The following ZMAT4 variants were observed in gnomAD, a reference collection of about 807,000 sequenced individuals.
The protein encoded by ZMAT4 is zinc finger matrin-type protein 4.
A neutral mutation model predicts 28.7 loss-of-function variants in ZMAT4; 17 were observed. That is an observed-to-expected ratio of 0.59 (90% CI 0.41 to 0.89). The LOEUF is 0.89. Among genes scored for constraint, ZMAT4 ranks in the 40% least tolerant of loss-of-function variants. ZMAT4 has a pLI of 0.00. For synonymous variants in ZMAT4, 117 were observed against 109.2 expected (o/e 1.07, Z -0.44); for missense variants, 240 against 283.8 (o/e 0.85, Z 1.11).
In ZMAT4 at chr8:40,773,501, G is replaced by A. The variant is rs534757223; in HGVS notation, c.103-5771C>T. Reference sequence around the variant, plus strand: ...ACCTTCTGCTCTGCCAAAGATTGGTGGCATCTATAAAAAAAAAACTGTGAA... The same window carrying A: ...ACCTTCTGCTCTGCCAAAGATTGGTAGCATCTATAAAAAAAAAACTGTGAA... On this transcript the variant is annotated intron_variant, in intron 2 of 6. Coordinates refer to ENST00000297737, the MANE Select transcript of ZMAT4 (RefSeq NM_024645.3). 5.4e-3 allele frequency among the ~76,000 whole-genome samples: 517 copies of A among 96,110 alleles called. 5 individuals carry two copies. The highest frequency in any genetic ancestry group is 8.9e-3 in the East Asian group (42 of 4,704). 63.1% of individuals were successfully genotyped at this position (96,110 alleles called of 152,430 possible). A position where few individuals can be genotyped will look rare whatever the true frequency, so the allele number is the denominator to read the frequency against.
intron 2 of ZMAT4, among the ~76,000 whole-genome samples, chr8:40,813,621 G>T (rs976926262): frequency 6.6e-6 from 1 of 152,224 alleles, no homozygotes; most frequent in African/African-American, 2.4e-5. Context: ...TCGCCATAAG[G>T]TTATACACGG....
intron 2 of ZMAT4, among the ~76,000 whole-genome samples, chr8:40,778,568 A>T (rs1008452514): frequency 6.6e-6 from 1 of 151,960 alleles, no homozygotes; most frequent in African/African-American, 2.4e-5. Context: ...GAAAACAGAA[A>T]TTTTTTCTTT....
intron 1 of ZMAT4, among the ~76,000 whole-genome samples, chr8:40,870,391 A>T (rs1351641538): frequency 6.6e-6 from 1 of 152,140 alleles, no homozygotes; most frequent in African/African-American, 2.4e-5. Context: ...TGTAATTAAA[A>T]TGTTTTTTCT....
At chr8:40,772,388 T>C (rs1352044674) in intron 2 of ZMAT4, among the ~76,000 whole-genome samples, 1 of 152,212 alleles carries the variant, frequency 6.6e-6, no homozygotes, top group Non-Finnish European at 1.5e-5. Context: ...CTATTTCAGA[T>C]GTATTGCTGT....
At chr8:40,852,039 G>T (rs1351270755) in intron 1 of ZMAT4, among the ~76,000 whole-genome samples, 1 of 152,088 alleles carries the variant, frequency 6.6e-6, no homozygotes, top group Non-Finnish European at 1.5e-5. Context: ...TGGGACTACA[G>T]GCGCCTGACT....
Position 40,735,126 on chromosome 8 carries a change from C to T in ZMAT4, c.192+32515G>A, listed in dbSNP as rs189142057. On this transcript the variant is annotated intron_variant, in intron 3 of 6. Coordinates refer to ENST00000297737, the MANE Select transcript of ZMAT4 (RefSeq NM_024645.3). Reference sequence around the variant, plus strand: ...AGGCAGAAACTCTGCCTTATCATTGCTCAGAACTCCAAATTTAATATATAA... The same window carrying T: ...AGGCAGAAACTCTGCCTTATCATTGTTCAGAACTCCAAATTTAATATATAA... Among the ~76,000 whole-genome samples, 145 of 152,306 alleles carry T rather than the reference C, an allele frequency of 9.5e-4. 1 individual carries two copies. The highest frequency in any genetic ancestry group is 2.0e-3 in the Admixed American group (31 of 15,308).
At chr8:40,742,088 AAAAAAC>A (rs1158778268) in intron 3 of ZMAT4, among the ~76,000 whole-genome samples, 10 of 670 alleles carry the variant, frequency 0.015, no homozygotes, top group Admixed American at 0.17. Flanking sequence ...AAAATACAAA[AAAAAAC>A]AAAAAACAAA....
chr8:40,802,033 C>A (rs1041150043), intron 2 of ZMAT4, among the ~76,000 whole-genome samples: 2 of 152,156 alleles, frequency 1.3e-5, no homozygotes, highest in Non-Finnish European at 2.9e-5. Context: ...AACACCCATT[C>A]ATGTTATGAA....
At chr8:40,699,028 A>G (rs540921520) in intron 3 of ZMAT4, among the ~76,000 whole-genome samples, 1 of 152,258 alleles carries the variant, frequency 6.6e-6, no homozygotes, top group East Asian at 1.9e-4. Context: ...AATAGTACGA[A>G]TACTTTTAGT....
intron 1 of ZMAT4, among the ~76,000 whole-genome samples, chr8:40,843,536 G>A (rs1299271310): frequency 6.6e-6 from 1 of 152,134 alleles, no homozygotes; most frequent in African/African-American, 2.4e-5. Flanking sequence ...CTTCCCACTG[G>A]ACTAAAATCT....
intron 3 of ZMAT4, among the ~76,000 whole-genome samples, chr8:40,717,296 A>G (rs975414055): frequency 1.3e-5 from 2 of 152,218 alleles, no homozygotes; most frequent in Admixed American, 6.5e-5. Flanking sequence ...AAAACAAATC[A>G]CATATTTATT....
intron 3 of ZMAT4, among the ~76,000 whole-genome samples, chr8:40,729,601 T>TTTTTC (rs1811449479): frequency 1.8e-4 from 12 of 68,342 alleles, no homozygotes; most frequent in African/African-American, 4.2e-4. Context: ...TTCTTTCTTT[T>TTTTTC]TTTTTTTTTT....
chr8:40,570,985 G>A (rs1373111248), intron 6 of ZMAT4, among the ~76,000 whole-genome samples: 10 of 152,150 alleles, frequency 6.6e-5, no homozygotes, highest in Admixed American at 6.6e-4. Flanking sequence ...GTAAGAACAT[G>A]AGAGGTATTC....
chr8:40,885,433 C>T (rs539892621), intron 1 of ZMAT4, among the ~76,000 whole-genome samples: 6 of 152,324 alleles, frequency 3.9e-5, no homozygotes, highest in African/African-American at 2.4e-5. Flanking sequence ...CCAGTGCCTC[C>T]GAGGGCGCCT....
chr8:40,548,394 C>T (rs1485604575), intron 6 of ZMAT4, among the ~76,000 whole-genome samples: 1 of 152,186 alleles, frequency 6.6e-6, no homozygotes, highest in East Asian at 1.9e-4. Flanking sequence ...TTGAAAGCTT[C>T]TTCACATTCC....
intron 5 of ZMAT4, among the ~76,000 whole-genome samples, chr8:40,618,474 C>T (rs980847715): frequency 2.0e-5 from 3 of 152,104 alleles, no homozygotes; most frequent in Non-Finnish European, 4.4e-5. Flanking sequence ...AAAAATACAA[C>T]GGTGGTTTCA....
chr8:40,585,803 T>G (rs575079465), intron 5 of ZMAT4, among the ~76,000 whole-genome samples: 1 of 152,310 alleles, frequency 6.6e-6, no homozygotes, highest in East Asian at 1.9e-4. Flanking sequence ...GTTTATTTCT[T>G]CCAGAGTTCT....
At chr8:40,772,801 T>C (rs1266162338) in intron 2 of ZMAT4, among the ~76,000 whole-genome samples, 2 of 152,220 alleles carry the variant, frequency 1.3e-5, no homozygotes, top group African/African-American at 4.8e-5. Context: ...CAGGAAAACC[T>C]GGAACAAAGA....
intron 2 of ZMAT4, among the ~76,000 whole-genome samples, chr8:40,804,987 A>C (rs530843679): frequency 5.5e-4 from 84 of 152,070 alleles, no homozygotes; most frequent in African/African-American, 1.9e-3. Flanking sequence ...ACAGCAAAAC[A>C]AACTACCATC....
Sources: allele counts gnomAD v4.1 joint callset (sites outside exome capture counted in the v4.1 genomes callset), GRCh38; gene constraint gnomAD v4.1.1; transcripts MANE v1.5; gene names NCBI Gene and HGNC (gene_info 2026-07-23, HGNC 2026-07-21).